The following MEI4 variants were observed in gnomAD, a reference collection of about 807,000 sequenced individuals.
MEI4 encodes the protein meiosis-specific protein MEI4.
In MEI4, 27 loss-of-function variants were observed where a neutral mutation model predicts 31.4. The observed-to-expected ratio is 0.86, with a 90% CI of 0.63 to 1.19. The LOEUF (loss-of-function observed/expected upper bound fraction) is 1.19. MEI4 is among the 50% of genes most tolerant of loss of function. The pLI is 0.00. For synonymous variants in MEI4, 122 were observed against 145.4 expected, an observed-to-expected ratio of 0.84 and a Z score of 1.16; for missense variants, 329 against 398.9, an observed-to-expected ratio of 0.82 and a Z score of 1.49.
At chr6:77,827,192 C>T (rs1399534188) in intron 3 of MEI4, among the ~76,000 whole-genome samples, 1 of 151,674 alleles carries the variant, frequency 6.6e-6, no homozygotes, top group African/African-American at 2.4e-5. Context: ...AACCCTGTCT[C>T]TACTAAAAAT....
chr6:77,663,196 TGGG>T (rs1768546161), intron 1 of MEI4, among the ~76,000 whole-genome samples: 1 of 152,046 alleles, frequency 6.6e-6, no homozygotes, highest in African/African-American at 2.4e-5. Context: ...ACAGGTAAAA[TGGG>T]GGAATTGTAA....
At chr6:77,728,407 A>G (rs962592317) in intron 2 of MEI4, among the ~76,000 whole-genome samples, 15 of 152,194 alleles carry the variant, frequency 9.9e-5, no homozygotes, top group African/African-American at 3.1e-4. Flanking sequence ...CTTGGGTTAT[A>G]TGCATGTTCA....
intron 2 of MEI4, among the ~76,000 whole-genome samples, chr6:77,703,248 A>G (rs754370333): frequency 5.3e-5 from 8 of 152,316 alleles, no homozygotes; most frequent in South Asian, 4.1e-4. Context: ...TAGTTTCTAG[A>G]TATCTGCCAA....
intron 2 of MEI4, among the ~76,000 whole-genome samples, chr6:77,736,864 A>G (rs1767254297): frequency 2.3e-5 from 1 of 43,818 alleles, no homozygotes; most frequent in South Asian, 4.5e-4. Context: ...AGGACTTTTA[A>G]AAGTATTTTG....
intron 3 of MEI4, among the ~76,000 whole-genome samples, chr6:77,809,627 T>G (rs1363284584): frequency 6.6e-6 from 1 of 152,190 alleles, no homozygotes; most frequent in African/African-American, 2.4e-5. Context: ...CCAGGGAGTA[T>G]ACCTAGAGTT....
At chr6:77,791,425 G>C (rs532794108) in intron 3 of MEI4, among the ~76,000 whole-genome samples, 2 of 149,280 alleles carry the variant, frequency 1.3e-5, no homozygotes, top group East Asian at 2.0e-4. Context: ...GTAAACTATC[G>C]CAAGAACAAA....
At chr6:77,813,846 T>C (rs946562833) in intron 3 of MEI4, among the ~76,000 whole-genome samples, 1 of 152,166 alleles carries the variant, frequency 6.6e-6, no homozygotes, top group African/African-American at 2.4e-5. Context: ...CATTTACTTA[T>C]GTCTGATGAT....
intron 2 of MEI4, among the ~76,000 whole-genome samples, chr6:77,706,021 G>A (rs375581592): frequency 1.3e-5 from 2 of 152,086 alleles, no homozygotes; most frequent in African/African-American, 2.4e-5. Context: ...TGAGGAACAC[G>A]AAGGGTCTCA....
chr6:77,804,197 A>G (rs945820787), intron 3 of MEI4, among the ~76,000 whole-genome samples: 3 of 152,086 alleles, frequency 2.0e-5, no homozygotes, highest in Non-Finnish European at 4.4e-5. Context: ...CAGCCTCGCT[A>G]CCGCCTTGCA....
intron 4 of MEI4, among the ~76,000 whole-genome samples, chr6:77,888,374 CCTGA>C (rs1368644334): frequency 7.3e-6 from 1 of 136,154 alleles, no homozygotes; most frequent in African/African-American, 2.8e-5. Flanking sequence ...ATTATGGTTT[CCTGA>C]CTTTCTTAAT....
intron 4 of MEI4, among the ~76,000 whole-genome samples, chr6:77,921,007 T>C (rs569895404): frequency 8.6e-5 from 13 of 152,026 alleles, no homozygotes; most frequent in African/African-American, 3.1e-4. Context: ...GGCTTCAACT[T>C]CAAGACACCA....
rs537795271 is a variant in MEI4 at position 77,852,242 on chromosome 6, T to TA, written c.900+23186dup. Among the ~76,000 whole-genome samples, 606 of 152,226 alleles carry TA rather than the reference T, an allele frequency of 4.0e-3. 5 individuals are homozygous for TA. Among genetic ancestry groups the TA allele is most frequent in the African/African-American group, 0.014 (579 of 41,532 alleles). On this transcript the variant is annotated intron_variant, in intron 4 of 4. Coordinates refer to ENST00000684080, the MANE Select transcript of MEI4 (RefSeq NM_001322247.2). ...AAACGAACAAAGCAAGCAACAGCAGTAAAAAACTTTGAAAATAAAAATGCA... is the reference window on the plus strand; with the variant it reads ...AAACGAACAAAGCAAGCAACAGCAGTAAAAAAACTTTGAAAATAAAAATGCA...
At chr6:77,841,210 A>C (rs1770349076) in intron 4 of MEI4, among the ~76,000 whole-genome samples, 1 of 150,878 alleles carries the variant, frequency 6.6e-6, no homozygotes, top group Non-Finnish European at 1.5e-5. Context: ...TATGATAACT[A>C]AAATATAAAG....
intron 2 of MEI4, among the ~76,000 whole-genome samples, chr6:77,735,516 A>C (rs1767166580): frequency 6.6e-6 from 1 of 151,882 alleles, no homozygotes; most frequent in African/African-American, 2.4e-5. Context: ...TGTATTGGTT[A>C]TTCTAGTTAT....
chr6:77,906,680 A>T (rs1317875187), intron 4 of MEI4, among the ~76,000 whole-genome samples: 1 of 152,204 alleles, frequency 6.6e-6, no homozygotes, highest in Admixed American at 6.5e-5. Flanking sequence ...CATAGGGCTG[A>T]GGCCTAACAT....
At chr6:77,771,912 C>G (rs12210144) in intron 3 of MEI4, among the ~76,000 whole-genome samples, 2 of 151,876 alleles carry the variant, frequency 1.3e-5, no homozygotes, top group Non-Finnish European at 2.9e-5. Flanking sequence ...TATAACAAAC[C>G]TGCACCTGTA....
At chr6:77,739,787 G>A (rs114407995) in intron 2 of MEI4, among the ~76,000 whole-genome samples, 5 of 150,668 alleles carry the variant, frequency 3.3e-5, no homozygotes, top group Non-Finnish European at 7.4e-5. Flanking sequence ...ATTTTTTTGT[G>A]TCTCAATGTC....
chr6:77,788,441 T>C (rs1383162086), intron 3 of MEI4, among the ~76,000 whole-genome samples: 2 of 152,114 alleles, frequency 1.3e-5, no homozygotes, highest in African/African-American at 4.8e-5. Context: ...GGCATTCAAT[T>C]AGGAAAAGAG....
chr6:77,911,732 TAA>T (rs1766439447), intron 4 of MEI4, among the ~76,000 whole-genome samples: 1 of 146,636 alleles, frequency 6.8e-6, no homozygotes, highest in Non-Finnish European at 1.5e-5. Context: ...TTTATATATA[TAA>T]TATATATATA....
Sources: gnomAD v4.1 joint callset for allele counts (sites outside exome capture counted in the v4.1 genomes callset) on GRCh38, gnomAD v4.1.1 for gene constraint, MANE v1.5 for transcripts, NCBI Gene and HGNC (gene_info 2026-07-23, HGNC 2026-07-21) for gene names.